KITLG: variants seen among roughly 807,000 people sequenced by gnomAD.
KITLG encodes the protein c-Kit ligand.
A neutral mutation model predicts 34.1 loss-of-function variants in KITLG; 13 were observed. That is an observed-to-expected ratio of 0.38 (90% CI 0.25 to 0.61). The LOEUF (loss-of-function observed/expected upper bound fraction) is 0.61, where lower values mean the gene tolerates loss of function less well. KITLG is among the 20% of genes least tolerant of loss of function. KITLG has a pLI of 0.60. For synonymous variants in KITLG, 110 were observed against 104.0 expected (o/e 1.06, Z -0.35); for missense variants, 292 against 318.9 (o/e 0.92, Z 0.64).
At chr12:88,573,157 T>C (rs1449399899) in intron 1 of KITLG, among the ~76,000 whole-genome samples, 1 of 152,166 alleles carries the variant, frequency 6.6e-6, no homozygotes, top group African/African-American at 2.4e-5. Context: ...TATGAAAACA[T>C]CTCTACCCTC....
intron 3 of KITLG, among the ~76,000 whole-genome samples, chr12:88,526,641 A>C (rs1869877387): frequency 1.3e-5 from 2 of 152,130 alleles, no homozygotes; most frequent in Admixed American, 6.5e-5. Context: ...CAAAACTGCT[A>C]CTCTGAGGAG....
rs73439032 is a variant in KITLG, at chr12:88,546,551, T to C, written c.16-686A>G. On this transcript the variant is annotated intron_variant, in intron 1 of 9. Transcript: ENST00000644744. ...GGCTTGAAAATAACATTTTCTATTA[T>C]GTATTATAGTTGCTTTTATGCATGA... is the stretch of plus-strand genomic sequence containing the variant. 1.0e-2 allele frequency among the ~76,000 whole-genome samples: 1,519 copies of C among 152,274 alleles called. 25 individuals are homozygous for C. Among genetic ancestry groups the C allele is most frequent in the African/African-American group, 0.035 (1,462 of 41,554 alleles).
chr12:88,553,572 T>G (rs1870997270), intron 1 of KITLG, among the ~76,000 whole-genome samples: 1 of 152,240 alleles, frequency 6.6e-6, no homozygotes, highest in Non-Finnish European at 1.5e-5. Flanking sequence ...GGATAGTCTT[T>G]CATTGTATAG....
intron 6 of KITLG, among the ~76,000 whole-genome samples, chr12:88,509,380 A>C (rs1869190515): frequency 6.6e-6 from 1 of 152,204 alleles, no homozygotes. Flanking sequence ...ATATTCTGGA[A>C]TTTGCTACCT....
At chr12:88,540,108 GA>G (rs1440692570) in intron 2 of KITLG, among the ~76,000 whole-genome samples, 1 of 152,076 alleles carries the variant, frequency 6.6e-6, no homozygotes, top group Non-Finnish European at 1.5e-5. Context: ...ACCTTATGAT[GA>G]TGATTCCAAT....
intron 1 of KITLG, among the ~76,000 whole-genome samples, chr12:88,559,993 C>T (rs186202280): frequency 6.6e-6 from 1 of 152,310 alleles, no homozygotes; most frequent in Admixed American, 6.5e-5. Context: ...AAGATGATGA[C>T]ATTTAAAACA....
chr12:88,526,863 C>CT (rs10532642), intron 3 of KITLG, among the ~76,000 whole-genome samples: 868 of 79,662 alleles, frequency 0.011, 10 homozygotes, highest in African/African-American at 0.026. Flanking sequence ...TCAGTATAGT[C>CT]TTTTTTTTTT....
intron 3 of KITLG, 90 bp from the exon 4 acceptor site, chr12:88,518,957 T>C: frequency 8.7e-7 from 1 of 1,151,074 alleles, no homozygotes; most frequent in Non-Finnish European, 1.3e-6. Context: ...TCGTTTTAGT[T>C]ACTCAAGTGA....
At chr12:88,552,533 A>C (rs1870953795) in intron 1 of KITLG, among the ~76,000 whole-genome samples, 1 of 152,030 alleles carries the variant, frequency 6.6e-6, no homozygotes. Flanking sequence ...CAATAGAAAA[A>C]TAAAACACAG....
At chr12:88,542,477 G>A (rs926595855) in intron 2 of KITLG, among the ~76,000 whole-genome samples, 18 of 151,946 alleles carry the variant, frequency 1.2e-4, no homozygotes, top group East Asian at 3.9e-4. Flanking sequence ...TAGTATTCCC[G>A]ACTTCCTTCA....
chr12:88,578,232 G>T lies in KITLG; in HGVS notation c.15+2032C>A, dbSNP rs971152525. On this transcript the variant is annotated intron_variant, in intron 1 of 9. Coordinates refer to ENST00000644744, the MANE Select transcript of KITLG (RefSeq NM_000899.5). Reference sequence around the variant, plus strand: ...TATTTCCAGTGTCCCCTTTTTCAGTGACTGTGGAATCGCTAGAAGTATTCT... The same window carrying T: ...TATTTCCAGTGTCCCCTTTTTCAGTTACTGTGGAATCGCTAGAAGTATTCT... 3.3e-5 allele frequency among the ~76,000 whole-genome samples: 5 copies of T among 151,926 alleles called. No homozygotes were observed. In the East Asian group the frequency reaches 7.7e-4, roughly 23 times the overall value.
intron 1 of KITLG, among the ~76,000 whole-genome samples, chr12:88,550,118 T>C (rs761599535): frequency 3.3e-5 from 5 of 152,136 alleles, no homozygotes; most frequent in Non-Finnish European, 5.9e-5. Flanking sequence ...GGAGATGAGA[T>C]TAACCAGAAA....
chr12:88,572,210 A>G (rs1871673590), intron 1 of KITLG, among the ~76,000 whole-genome samples: 1 of 152,178 alleles, frequency 6.6e-6, no homozygotes, highest in South Asian at 2.1e-4. Context: ...TCAGTCTTGG[A>G]TTTAAAAGTC....
At chr12:88,517,052 CAT>C (rs1348707224) in intron 4 of KITLG, among the ~76,000 whole-genome samples, 1 of 151,828 alleles carries the variant, frequency 6.6e-6, no homozygotes, top group African/African-American at 2.4e-5. Context: ...AACTATTGCA[CAT>C]ATATACCATC....
At chr12:88,545,651 A>T (rs1359338495) in intron 2 of KITLG, 101 bp downstream of exon 2, 6 of 684,378 alleles carry the variant, frequency 8.8e-6, no homozygotes, top group Non-Finnish European at 1.5e-5. Flanking sequence ...TTAGGAAAAC[A>T]TTACTTTGGG....
chr12:88,553,564 A>G (rs1343272891), intron 1 of KITLG, among the ~76,000 whole-genome samples: 2 of 152,008 alleles, frequency 1.3e-5, no homozygotes, highest in Non-Finnish European at 2.9e-5. Flanking sequence ...TCATTTCTGG[A>G]TAGTCTTTCA....
At chr12:88,504,270 T>C (rs958993583) in intron 9 of KITLG, among the ~76,000 whole-genome samples, 2 of 152,146 alleles carry the variant, frequency 1.3e-5, no homozygotes, top group African/African-American at 4.8e-5. Flanking sequence ...GAAGACTTAC[T>C]AATGAAGTTT....
Position 88,506,327 on chromosome 12 carries a change from C to T in KITLG, c.766G>A (p.Glu256Lys), listed in dbSNP as rs1869058198. Residue 256 changes from glutamate (E) to lysine (K), a missense_variant, in exon 8 of 10, where the codon GAG becomes AAG. Physicochemically the swap from Glu to Lys is moderately conservative, Grantham distance 56. This residue lies in a region of KITLG where 140 missense variants were observed against 111.0 expected (regional missense o/e 1.26). Transcript: ENST00000644744. ...ACAAAATACCTTATCTCATTATCCTCTTCATTAATTTGTATATTTTCAACT... is the reference window on the plus strand; with the variant it reads ...ACAAAATACCTTATCTCATTATCCTTTTCATTAATTTGTATATTTTCAACT... ...RAVENIQINE[E>K]DNEISMLQEK... 4 of 1,609,428 alleles carry T rather than the reference C, an allele frequency of 2.5e-6. No homozygotes were observed. The highest frequency in any genetic ancestry group is 2.2e-5 in the South Asian group (2 of 90,972).
chr12:88,577,811 G>A lies in KITLG; in HGVS notation c.15+2453C>T, dbSNP rs191561155. On this transcript the variant is annotated intron_variant, in intron 1 of 9. Coordinates refer to ENST00000644744, the MANE Select transcript of KITLG (RefSeq NM_000899.5). ...AATTTTCACACTTACTTAGCTTGACGGAAAGGCCAGAATACCTGGAGTCCC... is the reference window on the plus strand; with the variant it reads ...AATTTTCACACTTACTTAGCTTGACAGAAAGGCCAGAATACCTGGAGTCCC... Among the ~76,000 whole-genome samples, 7 of 152,236 alleles carry A rather than the reference G, an allele frequency of 4.6e-5. 1 individual carries two copies. The East Asian group carries it at 7.7e-4, about 17-fold the overall frequency.
Sources: allele counts gnomAD v4.1 joint callset (sites outside exome capture counted in the v4.1 genomes callset), GRCh38; gene constraint gnomAD v4.1.1; regional missense constraint gnomAD v4.1.1; transcripts MANE v1.5; gene names NCBI Gene and HGNC (gene_info 2026-07-23, HGNC 2026-07-21).